Variants in WWC2 observed in about 807,000 individuals in gnomAD.
WWC2 encodes WW and C2 domain containing 2.
In WWC2, 101 loss-of-function variants were observed where a neutral mutation model predicts 138.5. That is an observed-to-expected ratio of 0.73 (90% CI 0.62 to 0.86). The LOEUF is 0.86. WWC2 is among the 40% of genes least tolerant of loss of function. WWC2 has a pLI of 0.00. For synonymous variants in WWC2, 558 were observed against 538.4 expected, an observed-to-expected ratio of 1.04 and a Z score of -0.50; for missense variants, 1,420 against 1,419.4, an observed-to-expected ratio of 1.00 and a Z score of -0.01.
At chr4:183,216,215 C>T (rs1445331460) in intron 4 of WWC2, among the ~76,000 whole-genome samples, 1 of 152,190 alleles carries the variant, frequency 6.6e-6, no homozygotes, top group African/African-American at 2.4e-5. Flanking sequence ...TTGCAATCTT[C>T]AGCAGCCTCG....
intron 1 of WWC2, among the ~76,000 whole-genome samples, chr4:183,133,716 T>G (rs971881082): frequency 6.6e-6 from 1 of 152,072 alleles, no homozygotes. Flanking sequence ...AGGCTGGTCT[T>G]GAACTCCTCA....
chr4:183,240,163 A>C lies in WWC2; in HGVS notation c.523-20A>C. 1 of 1,519,344 alleles carries C rather than the reference A, an allele frequency of 6.6e-7. No individual in the cohort carries two copies. Among genetic ancestry groups the C allele is most frequent in the Non-Finnish European group, 8.9e-7 (1 of 1,128,388 alleles). 94.1% of individuals were successfully genotyped at this position (1,519,344 alleles called of 1,614,324 possible). ...TAATTATCTGCAAACATTAATGTTTATGTTGATTTCTCTTTAAAGGTTAAA... is the reference window on the plus strand; with the variant it reads ...TAATTATCTGCAAACATTAATGTTTCTGTTGATTTCTCTTTAAAGGTTAAA... On this transcript the variant is annotated intron_variant, in intron 4 of 22. Coordinates refer to ENST00000403733, the MANE Select transcript of WWC2 (RefSeq NM_024949.6).
Position 183,315,786 on chromosome 4 carries a change from G to A in WWC2, c.*57G>A. The A allele has an allele frequency of 1.4e-6, 2 of 1,424,808 alleles. No homozygotes were observed. The highest frequency in any genetic ancestry group is 2.3e-5 in the East Asian group (1 of 42,840). 88.3% of individuals were successfully genotyped at this position (1,424,808 alleles called of 1,614,324 possible). On this transcript the variant is annotated 3_prime_UTR_variant, in exon 23 of 23. Coordinates refer to ENST00000403733, the MANE Select transcript of WWC2 (RefSeq NM_024949.6). ...GTTCACTTTCTTAGGGAGGGTAAAA[G>A]ACTGAAGATTTGTGTTTTTGTTTTG...
intron 21 of WWC2, among the ~76,000 whole-genome samples, chr4:183,291,050 G>A (rs1738435569): frequency 6.6e-6 from 1 of 152,240 alleles, no homozygotes; most frequent in South Asian, 2.1e-4. Context: ...ACGTTCAGTA[G>A]GACCGGTGTT....
chr4:183,144,448 A>G (rs1733391704), intron 1 of WWC2, among the ~76,000 whole-genome samples: 1 of 152,106 alleles, frequency 6.6e-6, no homozygotes, highest in African/African-American at 2.4e-5. Context: ...TGGAATTTCA[A>G]TTGCAGGTTG....
chr4:183,164,952 T>G (rs1299209249), intron 1 of WWC2, among the ~76,000 whole-genome samples: 1 of 152,212 alleles, frequency 6.6e-6, no homozygotes, highest in African/African-American at 2.4e-5. Flanking sequence ...TAATAATAAC[T>G]AATAGTAATA....
intron 4 of WWC2, among the ~76,000 whole-genome samples, chr4:183,224,215 G>C (rs1416646198): frequency 6.6e-6 from 1 of 152,088 alleles, no homozygotes; most frequent in Admixed American, 6.5e-5. Context: ...ATGAGATCTA[G>C]TTTTTTTGGG....
chr4:183,294,368 G>A (rs1373864263), intron 21 of WWC2, among the ~76,000 whole-genome samples: 1 of 152,228 alleles, frequency 6.6e-6, no homozygotes, highest in Non-Finnish European at 1.5e-5. Flanking sequence ...ATAACAAGGA[G>A]AGGGACTTGC....
intron 16 of WWC2, among the ~76,000 whole-genome samples, chr4:183,278,170 G>A (rs1368244832): frequency 2.0e-5 from 3 of 151,968 alleles, no homozygotes; most frequent in African/African-American, 7.2e-5. Context: ...TATAAGGAAG[G>A]GATCCAGTTT....
At chr4:183,268,101 A>G (rs922351084) in intron 14 of WWC2, among the ~76,000 whole-genome samples, 2 of 152,232 alleles carry the variant, frequency 1.3e-5, no homozygotes, top group Non-Finnish European at 2.9e-5. Flanking sequence ...TATGAAATAC[A>G]AAATAATATG....
chr4:183,290,530 A>C (rs1368423175), intron 21 of WWC2, among the ~76,000 whole-genome samples: 4 of 152,038 alleles, frequency 2.6e-5, no homozygotes, highest in South Asian at 2.1e-4. Flanking sequence ...AAAAAAAAAA[A>C]CAGTATTTTT....
chr4:183,140,803 C>T (rs148130995), intron 1 of WWC2, among the ~76,000 whole-genome samples: 141 of 152,282 alleles, frequency 9.3e-4, no homozygotes, highest in African/African-American at 3.0e-3. Context: ...ATAAAAGCCA[C>T]AGCCTTTACT....
intron 4 of WWC2, among the ~76,000 whole-genome samples, chr4:183,226,515 CTAA>C (rs1439644121): frequency 1.3e-5 from 2 of 151,852 alleles, no homozygotes; most frequent in African/African-American, 4.9e-5. Context: ...AAGAAGAATA[CTAA>C]TAATAACTAA....
At chr4:183,186,055 C>T (rs1353158059) in intron 1 of WWC2, among the ~76,000 whole-genome samples, 1 of 150,686 alleles carries the variant, frequency 6.6e-6, no homozygotes, top group Admixed American at 6.6e-5. Context: ...TCACGCCATT[C>T]TCCCACCTCA....
intron 9 of WWC2, among the ~76,000 whole-genome samples, chr4:183,257,628 T>C (rs1737190150): frequency 6.6e-6 from 1 of 152,008 alleles, no homozygotes; most frequent in African/African-American, 2.4e-5. Flanking sequence ...TAACCCCTGG[T>C]TATGGGGAAG....
chr4:183,269,005 G>A lies in WWC2; in HGVS notation c.2242G>A (p.Asp748Asn). Reference sequence around the variant, plus strand: ...GGTTGCCGTTCTTCCTTCCTCAACTGATGTCAGCTGTCTGTTTCGCACAAA... The same window carrying A: ...GGTTGCCGTTCTTCCTTCCTCAACTAATGTCAGCTGTCTGTTTCGCACAAA... ...FRVAVLPSST[D>N]VSCLFRTKVH... Residue 748 changes from aspartate (D) to asparagine (N), a missense_variant, in exon 15 of 23, where the codon GAT becomes AAT. Coordinates refer to ENST00000403733, the MANE Select transcript of WWC2 (RefSeq NM_024949.6). 1.2e-6 allele frequency: 2 copies of A among 1,613,688 alleles called. No homozygotes were observed. The highest frequency in any genetic ancestry group is 1.1e-5 in the South Asian group (1 of 90,964).
At chr4:183,279,290 G>A (rs1428642713) in intron 16 of WWC2, among the ~76,000 whole-genome samples, 162 of 151,904 alleles carry the variant, frequency 1.1e-3, no homozygotes, top group South Asian at 2.3e-3. Flanking sequence ...ATTGATTTGC[G>A]TATATTGAAC....
chr4:183,284,907 A>G (rs997756255), intron 19 of WWC2, among the ~76,000 whole-genome samples: 14 of 152,204 alleles, frequency 9.2e-5, no homozygotes, highest in African/African-American at 3.4e-4. Flanking sequence ...CTACTTCTAG[A>G]AGTATTTCTG....
In WWC2 at chr4:183,192,676, T is replaced by A. The variant is rs561415896; in HGVS notation, c.132-923T>A. Among the ~76,000 whole-genome samples the A allele has an allele frequency of 5.0e-4, 76 of 152,292 alleles. 1 individual carries two copies. The highest frequency in any genetic ancestry group is 9.0e-4 in the Non-Finnish European group (61 of 68,022). On this transcript the variant is annotated intron_variant, in intron 1 of 22. Coordinates refer to ENST00000403733, the MANE Select transcript of WWC2 (RefSeq NM_024949.6). ...TCAGTTGAACTGTGAGATCTTTGGA[T>A]AAAAGGGATTCCAGGAGATTTTGTA...
Sources: allele counts gnomAD v4.1 joint callset (sites outside exome capture counted in the v4.1 genomes callset), GRCh38; gene constraint gnomAD v4.1.1; transcripts MANE v1.5; gene names NCBI Gene and HGNC (gene_info 2026-07-23, HGNC 2026-07-21).